Variants in PLD5 observed in about 807,000 individuals in gnomAD.
PLD5 encodes the protein inactive phospholipase D5.
PLD5 carries 36 observed loss-of-function variants against 61.1 expected under a neutral mutation model. The observed-to-expected ratio is 0.59, with a 90% CI of 0.45 to 0.78. The LOEUF (loss-of-function observed/expected upper bound fraction) is 0.78, where lower values mean the gene tolerates loss of function less well. Ranked by LOEUF, PLD5 falls within the 30% of genes least tolerant of loss-of-function variation. The probability of loss-of-function intolerance (pLI) is 0.00; values close to 1 mark genes in which losing one functional copy is unlikely to be tolerated. For synonymous variants in PLD5, 243 were observed against 242.8 expected (o/e 1.00, Z -0.01); for missense variants, 515 against 644.4 (o/e 0.80, Z 2.17).
intron 5 of PLD5, among the ~76,000 whole-genome samples, chr1:242,168,441 T>A (rs959791125): frequency 4.6e-5 from 7 of 152,274 alleles, no homozygotes; most frequent in Non-Finnish European, 5.9e-5. Flanking sequence ...TTTTCTTAAG[T>A]CCAAGTTTAT....
chr1:242,524,400 G>A lies in PLD5; in HGVS notation c.-124C>T, dbSNP rs1669380253. The A allele has an allele frequency of 5.3e-6, 5 of 939,872 alleles. No individual in the cohort carries two copies. Among genetic ancestry groups the A allele is most frequent in the Admixed American group, 8.7e-5 (2 of 23,024 alleles). 58.2% of individuals were successfully genotyped at this position (939,872 alleles called of 1,614,324 possible). ...AGGTGGAGCTGGAGACTGAGCTGGA[G>A]GAGCTGGAGGAGCGAGCGGGCGCGG... On this transcript the variant is annotated 5_prime_UTR_variant, in exon 1 of 10. Coordinates refer to ENST00000536534, the MANE Select transcript of PLD5 (RefSeq NM_001372062.1).
chr1:242,295,762 C>T (rs975520086), intron 2 of PLD5, among the ~76,000 whole-genome samples: 63 of 152,186 alleles, frequency 4.1e-4, no homozygotes, highest in Admixed American at 7.2e-4. Flanking sequence ...CCACCAACAG[C>T]GTGTAAGCAT....
intron 1 of PLD5, among the ~76,000 whole-genome samples, chr1:242,425,458 A>G (rs1305702029): frequency 6.6e-6 from 1 of 152,154 alleles, no homozygotes; most frequent in Non-Finnish European, 1.5e-5. Flanking sequence ...CAATAAATGG[A>G]GCTTGCAGGA....
intron 5 of PLD5, among the ~76,000 whole-genome samples, chr1:242,189,237 G>A (rs913878523): frequency 6.6e-6 from 1 of 152,082 alleles, no homozygotes; most frequent in Non-Finnish European, 1.5e-5. Context: ...ACAGGGTCAG[G>A]AGTTTGAGAC....
At chr1:242,183,915 A>T (rs1481185732) in intron 5 of PLD5, among the ~76,000 whole-genome samples, 2 of 152,038 alleles carry the variant, frequency 1.3e-5, no homozygotes, top group African/African-American at 4.8e-5. Flanking sequence ...AATAAATAAA[A>T]ATAAATAAAA....
chr1:242,120,192 A>G (rs918371506), intron 6 of PLD5, among the ~76,000 whole-genome samples: 1 of 152,232 alleles, frequency 6.6e-6, no homozygotes, highest in South Asian at 2.1e-4. Context: ...GTGACGGCTA[A>G]TCAGTATGGG....
intron 9 of PLD5, among the ~76,000 whole-genome samples, chr1:242,099,622 G>A (rs1360109230): frequency 6.6e-6 from 1 of 152,168 alleles, no homozygotes; most frequent in African/African-American, 2.4e-5. Flanking sequence ...CCTAACATCT[G>A]TATTTCTCCA....
intron 1 of PLD5, among the ~76,000 whole-genome samples, chr1:242,419,426 C>CGCACTGTTGCCCAGGCTGGAGT (rs1191138747): frequency 4.8e-5 from 7 of 145,224 alleles, no homozygotes; most frequent in African/African-American, 1.5e-4. Flanking sequence ...GACAGAGTCT[C>CGCACTGTTGCCCAGGCTGGAGT]GCACTGTTGC....
At chr1:242,356,631 C>A (rs1417960896) in intron 1 of PLD5, among the ~76,000 whole-genome samples, 3 of 151,318 alleles carry the variant, frequency 2.0e-5, no homozygotes, top group Non-Finnish European at 4.4e-5. Context: ...TACTTTCTTT[C>A]TTTCTTCCTG....
chr1:242,169,773 T>C (rs1484999311), intron 5 of PLD5, among the ~76,000 whole-genome samples: 1 of 152,106 alleles, frequency 6.6e-6, no homozygotes, highest in African/African-American at 2.4e-5. Flanking sequence ...TTGCTGAGGC[T>C]TGAGTAGGTG....
chr1:242,427,369 T>C (rs1343002644), intron 1 of PLD5, among the ~76,000 whole-genome samples: 1 of 152,218 alleles, frequency 6.6e-6, no homozygotes, highest in Non-Finnish European at 1.5e-5. Flanking sequence ...TGCATTTCTT[T>C]ATATTTTCAT....
intron 1 of PLD5, among the ~76,000 whole-genome samples, chr1:242,393,923 G>T (rs1421107875): frequency 6.9e-6 from 1 of 144,922 alleles, no homozygotes; most frequent in African/African-American, 2.5e-5. Flanking sequence ...AGCTGGGTGT[G>T]GGGGTGCGTG....
chr1:242,470,972 T>C (rs939058971), intron 1 of PLD5, among the ~76,000 whole-genome samples: 7 of 152,168 alleles, frequency 4.6e-5, no homozygotes, highest in African/African-American at 1.7e-4. Context: ...TGTGGCCAGG[T>C]CTCTGGCACG....
At chr1:242,133,053 A>G (rs1206563348) in intron 5 of PLD5, among the ~76,000 whole-genome samples, 2 of 47,318 alleles carry the variant, frequency 4.2e-5, no homozygotes, top group Non-Finnish European at 8.3e-5. Flanking sequence ...CCCACACCCC[A>G]CACCTTTTCT....
chr1:242,447,698 C>T (rs1035086547), intron 1 of PLD5, among the ~76,000 whole-genome samples: 3 of 152,208 alleles, frequency 2.0e-5, no homozygotes, highest in African/African-American at 7.2e-5. Flanking sequence ...TCTTAGTTCC[C>T]ATCGCACCCT....
At chr1:242,240,155 A>G (rs1671905471) in intron 4 of PLD5, among the ~76,000 whole-genome samples, 1 of 152,236 alleles carries the variant, frequency 6.6e-6, no homozygotes. Context: ...TTACATCTAT[A>G]GAAATGTTTC....
intron 2 of PLD5, among the ~76,000 whole-genome samples, chr1:242,306,608 G>T (rs1401312300): frequency 3.9e-5 from 6 of 152,068 alleles, no homozygotes. Flanking sequence ...AGATAAAAAG[G>T]AAAGAACATA....
intron 1 of PLD5, among the ~76,000 whole-genome samples, chr1:242,452,544 G>C (rs899333974): frequency 1.3e-5 from 2 of 152,130 alleles, no homozygotes; most frequent in Non-Finnish European, 2.9e-5. Context: ...GGCTGGGCAC[G>C]ATGACTCACG....
intron 1 of PLD5, chr1:242,377,048 G>A (rs1662003364): frequency 5.0e-6 from 8 of 1,611,512 alleles, no homozygotes; most frequent in East Asian, 2.2e-5. Context: ...TGTCTGACAC[G>A]GTGCCATCAG....
Sources: allele counts gnomAD v4.1 joint callset (sites outside exome capture counted in the v4.1 genomes callset), GRCh38; gene constraint gnomAD v4.1.1; transcripts MANE v1.5; gene names NCBI Gene and HGNC (gene_info 2026-07-23, HGNC 2026-07-21).